Variants in IL1RAPL1 observed in about 807,000 individuals in gnomAD.
IL1RAPL1 encodes the protein interleukin 1 receptor accessory protein like 1.
Under a neutral mutation model 48.4 loss-of-function variants are expected in IL1RAPL1, and 3 were observed. The observed-to-expected ratio is 0.06, with a 90% CI of 0.03 to 0.16. The LOEUF (loss-of-function observed/expected upper bound fraction) is 0.16. Ranked by LOEUF, IL1RAPL1 falls within the 10% of genes least tolerant of loss-of-function variation. IL1RAPL1 has a pLI of 1.00. For synonymous variants in IL1RAPL1, 185 were observed against 187.7 expected (o/e 0.99, Z 0.12); for missense variants, 349 against 530.6 (o/e 0.66, Z 3.36).
chrX:29,771,709 C>T (rs1929069664), intron 6 of IL1RAPL1, among the ~76,000 whole-genome samples: 1 of 111,632 alleles, frequency 9.0e-6, no homozygotes, highest in Non-Finnish European at 1.9e-5. Flanking sequence ...CCATTTTTCC[C>T]CATCCTTGAA....
intron 1 of IL1RAPL1, among the ~76,000 whole-genome samples, chrX:28,767,315 T>C (rs749128910): frequency 2.7e-5 from 3 of 111,456 alleles, no homozygotes; most frequent in Admixed American, 9.6e-5. Flanking sequence ...GTCATTGACA[T>C]TGGCTGTCTA....
chrX:28,810,989 G>A (rs1936787837), intron 2 of IL1RAPL1, among the ~76,000 whole-genome samples: 1 of 109,527 alleles, frequency 9.1e-6, no homozygotes, highest in African/African-American at 3.3e-5. Context: ...GAAATGTTCA[G>A]ACTATAAAAT....
At position 28,809,792 on chromosome X, in the gene IL1RAPL1, C is replaced by CT. The variant is rs886103646; in HGVS notation, c.82+20376dup. Among the ~76,000 whole-genome samples the CT allele has an allele frequency of 1.7e-4, 18 of 107,326 alleles. No individual in the cohort carries two copies. In the East Asian group the frequency reaches 2.6e-3, roughly 16 times the overall value. 93.2% of individuals were successfully genotyped at this position (107,326 alleles called of 115,157 possible). On this transcript the variant is annotated intron_variant, in intron 2 of 10. Coordinates refer to ENST00000378993, the MANE Select transcript of IL1RAPL1 (RefSeq NM_014271.4). ...ATGATTTACATTTTTTCCAAAGAAT[C>CT]TTTTTTTTTGGCTGTGGAGTAAGAA...
At chrX:29,689,210 T>C (rs1243874475) in intron 6 of IL1RAPL1, among the ~76,000 whole-genome samples, 2 of 111,780 alleles carry the variant, frequency 1.8e-5, no homozygotes, top group Non-Finnish European at 3.8e-5. Flanking sequence ...TCTCCGTTAG[T>C]AGACACATCG....
chrX:29,730,551 A>C (rs890999451), intron 6 of IL1RAPL1, among the ~76,000 whole-genome samples: 1 of 112,456 alleles, frequency 8.9e-6, no homozygotes, highest in African/African-American at 3.2e-5. Flanking sequence ...GCACAAGGTG[A>C]AGACATGATG....
intron 1 of IL1RAPL1, among the ~76,000 whole-genome samples, chrX:28,681,602 A>G (rs1320783032): frequency 9.0e-6 from 1 of 111,689 alleles, no homozygotes; most frequent in East Asian, 2.8e-4. Context: ...CAGCAAGGTA[A>G]CTACAATGAA....
At chrX:29,372,954 T>A (rs1933566600) in intron 3 of IL1RAPL1, among the ~76,000 whole-genome samples, 1 of 110,624 alleles carries the variant, frequency 9.0e-6, no homozygotes, top group Admixed American at 9.7e-5. Flanking sequence ...TTTCTAATTC[T>A]GTGAAAAATG....
At chrX:29,873,287 T>A (rs907471111) in intron 6 of IL1RAPL1, among the ~76,000 whole-genome samples, 1 of 111,704 alleles carries the variant, frequency 9.0e-6, no homozygotes, top group Non-Finnish European at 1.9e-5. Context: ...AGGAATTTAC[T>A]GCCTTTTCAT....
chrX:29,488,311 G>A (rs1434910350), intron 5 of IL1RAPL1, among the ~76,000 whole-genome samples: 2 of 111,473 alleles, frequency 1.8e-5, no homozygotes, highest in East Asian at 2.8e-4. Context: ...GGGGGCGTGC[G>A]CCTGTAGTCC....
At chrX:29,106,546 A>G (rs1381167577) in intron 2 of IL1RAPL1, among the ~76,000 whole-genome samples, 1 of 111,971 alleles carries the variant, frequency 8.9e-6, no homozygotes, top group East Asian at 2.8e-4. Context: ...AACACAACCA[A>G]ACATCATACA....
At chrX:29,047,902 C>T (rs1927009687) in intron 2 of IL1RAPL1, among the ~76,000 whole-genome samples, 1 of 110,437 alleles carries the variant, frequency 9.1e-6, no homozygotes, top group Non-Finnish European at 1.9e-5. Flanking sequence ...GCACTTCCCC[C>T]CCTATAATCT....
chrX:29,364,574 A>G (rs1933422163), intron 3 of IL1RAPL1, among the ~76,000 whole-genome samples: 1 of 108,860 alleles, frequency 9.2e-6, no homozygotes, highest in Non-Finnish European at 1.9e-5. Flanking sequence ...AAAAAAAAAA[A>G]AAAAAAAAAG....
At chrX:29,084,322 T>C (rs927833284) in intron 2 of IL1RAPL1, among the ~76,000 whole-genome samples, 3 of 112,261 alleles carry the variant, frequency 2.7e-5, no homozygotes, top group African/African-American at 9.7e-5. Flanking sequence ...TTTTTATCAA[T>C]GACATAAAAC....
chrX:28,956,994 G>C (rs1445957826), intron 2 of IL1RAPL1, among the ~76,000 whole-genome samples: 1 of 110,266 alleles, frequency 9.1e-6, no homozygotes, highest in Admixed American at 9.7e-5. Flanking sequence ...GTCTTGGGAG[G>C]GTGTATGTGT....
intron 2 of IL1RAPL1, among the ~76,000 whole-genome samples, chrX:29,143,505 G>C (rs978555783): frequency 5.4e-5 from 6 of 111,722 alleles, no homozygotes; most frequent in Admixed American, 2.8e-4. Flanking sequence ...ATTCTGAGTA[G>C]TGTGATGAAA....
chrX:28,616,515 C>G (rs918921976), intron 1 of IL1RAPL1, among the ~76,000 whole-genome samples: 1 of 110,216 alleles, frequency 9.1e-6, no homozygotes, highest in Non-Finnish European at 1.9e-5. Flanking sequence ...CTCACTGCAA[C>G]CTCCACCTCC....
At chrX:28,744,908 A>C (rs1935955491) in intron 1 of IL1RAPL1, among the ~76,000 whole-genome samples, 1 of 111,063 alleles carries the variant, frequency 9.0e-6, no homozygotes, top group Admixed American at 9.7e-5. Flanking sequence ...TATAAGCGCA[A>C]GGAGACTTAT....
intron 2 of IL1RAPL1, among the ~76,000 whole-genome samples, chrX:28,848,344 A>C (rs1240884398): frequency 9.0e-6 from 1 of 111,324 alleles, no homozygotes; most frequent in African/African-American, 3.3e-5. Flanking sequence ...TAAATAAATA[A>C]AATGAAATAA....
At chrX:29,143,613 T>G (rs1929288638) in intron 2 of IL1RAPL1, among the ~76,000 whole-genome samples, 1 of 111,890 alleles carries the variant, frequency 8.9e-6, no homozygotes, top group South Asian at 3.8e-4. Context: ...AGTCACTTAG[T>G]AGCAGGCTAG....
Sources: gnomAD v4.1 joint callset for allele counts (sites outside exome capture counted in the v4.1 genomes callset) on GRCh38, gnomAD v4.1.1 for gene constraint, MANE v1.5 for transcripts, NCBI Gene and HGNC (gene_info 2026-07-23, HGNC 2026-07-21) for gene names.